Variants in GPKOW observed in about 807,000 individuals in gnomAD.
GPKOW encodes G-patch domain and KOW motifs.
For synonymous variants in GPKOW, 167 were observed against 159.1 expected (o/e 1.05, Z -0.37); for missense variants, 359 against 404.7 (o/e 0.89, Z 0.97).
intron 5 of GPKOW, 74 bp from the exon 6 acceptor site, chrX:49,117,236 C>A: frequency 9.4e-7 from 1 of 1,063,895 alleles, no homozygotes; most frequent in Non-Finnish European, 1.3e-6. Flanking sequence ...AGATGTCAAC[C>A]CCTTACCTCT....
chrX:49,114,913 ACT>A (rs1453280150), intron 9 of GPKOW, among the ~76,000 whole-genome samples: 22 of 60,251 alleles, frequency 3.7e-4, no homozygotes, highest in African/African-American at 1.7e-3. Flanking sequence ...TGACAGAGTG[ACT>A]CTGTTTCAAA....
rs1162000790 is a variant in GPKOW at position 49,117,695 on chromosome X, C to G, written c.682G>C (p.Glu228Gln). ...TGPSRMPRPD[E>Q]EQEKDKEDQP... ...TCTTCCTTATCTTTCTCTTGCTCCT[C>G]ATCTGGTCTTGGCATGCGGGAGGGG... Residue 228 changes from glutamate (E) to glutamine (Q), a missense_variant, in exon 5 of 11, where the codon GAG (glutamate) becomes CAG (glutamine). Glu to Gln is a conservative substitution (Grantham distance 29). Coordinates refer to ENST00000156109, the MANE Select transcript of GPKOW (RefSeq NM_015698.6). 3 of 1,207,949 alleles carry G rather than the reference C, an allele frequency of 2.5e-6. No individual in the cohort carries two copies. Among genetic ancestry groups the G allele is most frequent in the Non-Finnish European group, 3.4e-6 (3 of 893,353 alleles).
intron 9 of GPKOW, among the ~76,000 whole-genome samples, chrX:49,115,444 T>G (rs1225773995): frequency 1.0e-5 from 1 of 96,513 alleles, no homozygotes; most frequent in African/African-American, 3.9e-5. Context: ...GAAGTGGAGG[T>G]TGCAGTGAGC....
intron 5 of GPKOW, 23 bp downstream of exon 5, chrX:49,117,573 TC>T: frequency 8.9e-7 from 1 of 1,122,130 alleles, no homozygotes; most frequent in Non-Finnish European, 1.2e-6. Flanking sequence ...TGTTTTGGGC[TC>T]CCGGGATATC....
rs965327719 is a variant in GPKOW at position 49,115,464 on chromosome X, G to A, written c.1210+262C>T. Among the ~76,000 whole-genome samples, 44 of 91,193 alleles carry A rather than the reference G, an allele frequency of 4.8e-4. No homozygotes were observed. The East Asian group carries it at 7.3e-3, about 15-fold the overall frequency. 79.2% of individuals were successfully genotyped at this position (91,193 alleles called of 115,157 possible). ...GGAGGTTGCAGTGAGCTGAGATCAC[G>A]CCACTGCACTCCAGCCTGGGTGACA... On this transcript the variant is annotated intron_variant, in intron 9 of 10. Transcript: ENST00000156109.
Position 49,117,723 on chromosome X carries a change from A to G in GPKOW, c.654T>C (p.Thr218=), listed in dbSNP as rs1557090466. 5 of 1,207,654 alleles carry G rather than the reference A, an allele frequency of 4.1e-6. No homozygotes were observed. The highest frequency in any genetic ancestry group is 3.5e-5 in the South Asian group (2 of 56,749). ...NLTEAQALTP[T]GPSRMPRPDE... Reference sequence around the variant, plus strand: ...CTGGTCTTGGCATGCGGGAGGGGCCAGTGGGGGTCAAGGCCTGGGCCTCGG... The same window carrying G: ...CTGGTCTTGGCATGCGGGAGGGGCCGGTGGGGGTCAAGGCCTGGGCCTCGG... Residue 218 remains threonine, a synonymous_variant, in exon 5 of 11, where the codon ACT becomes ACC. Coordinates refer to ENST00000156109, the MANE Select transcript of GPKOW (RefSeq NM_015698.6).
intron 4 of GPKOW, 99 bp downstream of exon 4, chrX:49,119,606 C>T: frequency 2.1e-6 from 1 of 473,040 alleles, no homozygotes; most frequent in Non-Finnish European, 3.7e-6. Context: ...AATGTATCCT[C>T]CCTCCCTGCC....
In GPKOW at chrX:49,117,039, A is replaced by T. The variant is rs1557090360; in HGVS notation, c.904T>A (p.Leu302Met). 1.7e-6 allele frequency: 2 copies of T among 1,206,868 alleles called. No homozygotes were observed. Among genetic ancestry groups the T allele is most frequent in the Non-Finnish European group, 2.2e-6 (2 of 892,952 alleles). The change falls in exon 6 of 11, where the codon TTG becomes ATG. Residue 302 changes from leucine to methionine, a missense_variant. Coordinates refer to ENST00000156109, the MANE Select transcript of GPKOW (RefSeq NM_015698.6). Reference sequence around the variant, plus strand: ...CAAGAGGCTCACTCACTGAGATCCAAGGTGTTCTTGTCAAACTCCTGCTGG... The same window carrying T: ...CAAGAGGCTCACTCACTGAGATCCATGGTGTTCTTGTCAAACTCCTGCTGG... The part of the protein sequence containing the change: ...VSQQEFDKNT[L>M]DLRQQNGTAS...
rs1557089698 is a variant in GPKOW, at chrX:49,113,738, G to A, written c.1314C>T (p.Ser438=). The change falls in exon 11 of 11, where the codon AGC becomes AGT. Residue 438 remains serine (S), a synonymous_variant. Coordinates refer to ENST00000156109, the MANE Select transcript of GPKOW (RefSeq NM_015698.6). ...AAGCCCGGCTCCGTGCTCTGTCCCGGCTCAGCAAATGTCCCACCTGGAACA... is the reference window on the plus strand; with the variant it reads ...AAGCCCGGCTCCGTGCTCTGTCCCGACTCAGCAAATGTCCCACCTGGAACA... The part of the protein sequence containing the change: ...PQTGRVGHLL[S]RDRARSRALV... The A allele has an allele frequency of 7.5e-6, 9 of 1,207,012 alleles. No individual in the cohort carries two copies. The highest frequency in any genetic ancestry group is 2.3e-4 in the Middle Eastern group (1 of 4,350).
chrX:49,116,118 C>A, intron 7 of GPKOW, 103 bp downstream of exon 7: 1 of 1,129,450 alleles, frequency 8.9e-7, no homozygotes, highest in Non-Finnish European at 1.2e-6. Context: ...TGCAGTTCCC[C>A]GTTCCTTCTA....
rs2065221708 is a variant in GPKOW, at chrX:49,123,657, G to A, written c.66C>T (p.Gly22=). 3 of 1,208,749 alleles carry A rather than the reference G, an allele frequency of 2.5e-6. No homozygotes were observed. In the South Asian group the frequency reaches 5.3e-5, roughly 21 times the overall value. Residue 22 remains glycine (G), a synonymous_variant, in exon 1 of 11, where the codon GGC becomes GGT. Transcript: ENST00000156109. The part of the protein sequence containing the change: ...TAASTAPISF[G]FTRTSARRRL... ...GCCTCCGTGCGGACGTGCGAGTGAA[G>A]CCGAATGAAATTGGGGCAGTGGAAG... is the stretch of plus-strand genomic sequence containing the variant.
At position 49,116,260 on chromosome X, in the gene GPKOW, T is replaced by C; in HGVS notation, c.977A>G (p.Gln326Arg). Residue 326 changes from glutamine (Q) to arginine (R), a missense_variant, in exon 7 of 11, where the codon CAG becomes CGG. Transcript: ENST00000156109. Reference protein sequence around the residue: ...TLWNQELYIQQDNSERKRKHL... With the variant: ...TLWNQELYIQRDNSERKRKHL... ...TTTCCGCTTCCTCTCTGAGTTGTCC[T>C]GCTGGATGTAGAGTTCTTGATTCCA... The C allele has an allele frequency of 8.3e-7, 1 of 1,206,935 alleles. No individual in the cohort carries two copies. The highest frequency in any genetic ancestry group is 1.1e-6 in the Non-Finnish European group (1 of 891,121).
intron 1 of GPKOW, 78 bp downstream of exon 1, chrX:49,123,469 G>T: frequency 1.0e-6 from 1 of 996,913 alleles, no homozygotes; most frequent in South Asian, 2.3e-5. Context: ...CTGTCACCAA[G>T]ACAAACAACT....
chrX:49,123,603 C>A lies in GPKOW; in HGVS notation c.120G>T (p.Gly40=). 8.3e-7 allele frequency: 1 copy of A among 1,209,162 alleles called. No individual in the cohort carries two copies. Among genetic ancestry groups the A allele is most frequent in the South Asian group, 1.8e-5 (1 of 56,387 alleles). The change falls in exon 1 of 11, where the codon GGG becomes GGT. Residue 40 remains glycine (G), a synonymous_variant. Coordinates refer to ENST00000156109, the MANE Select transcript of GPKOW (RefSeq NM_015698.6). The stretch of plus-strand genomic sequence containing the variant: ...AGAAATCCTTCTCCTCCGGAGATGG[C>A]CCCGCGCCGTCTCCCGAGTCGGCCA... ...RRLADSGDGA[G]PSPEEKDFLK...
In GPKOW at chrX:49,117,640, G is replaced by A. The variant is rs1557090451; in HGVS notation, c.737C>T (p.Ala246Val). The A allele has an allele frequency of 8.3e-7, 1 of 1,210,066 alleles. No homozygotes were observed. ...GTGAGGGCCAGAAAGAACCACCACAGCTCCTCCAGGCACCAGCCCTTGAGG... is the reference window on the plus strand; with the variant it reads ...GTGAGGGCCAGAAAGAACCACCACAACTCCTCCAGGCACCAGCCCTTGAGG... ...DQPQGLVPGG[A>V]VVVLSGPHRG... Residue 246 changes from alanine to valine, a missense_variant, in exon 5 of 11, where the codon GCT becomes GTT. Coordinates refer to ENST00000156109, the MANE Select transcript of GPKOW (RefSeq NM_015698.6).
chrX:49,118,199 G>A (rs1557090581), intron 4 of GPKOW, among the ~76,000 whole-genome samples: 1 of 110,566 alleles, frequency 9.0e-6, no homozygotes, highest in Non-Finnish European at 1.9e-5. Flanking sequence ...GAGATTACAG[G>A]TGTGAGCCAC....
chrX:49,122,785 G>A lies in GPKOW; in HGVS notation c.177-9C>T. On this transcript the variant is annotated splice_polypyrimidine_tract_variant and intron_variant, in intron 1 of 10. Coordinates refer to ENST00000156109, the MANE Select transcript of GPKOW (RefSeq NM_015698.6). ...CCTCCTGGGGCTTCACACTGATGTG[G>A]ACACAGAGGGGTGGGGTTGGGAGAA... The A allele has an allele frequency of 8.3e-7, 1 of 1,201,213 alleles. No homozygotes were observed. Among genetic ancestry groups the A allele is most frequent in the Non-Finnish European group, 1.1e-6 (1 of 887,046 alleles).
In GPKOW at chrX:49,122,535, T is replaced by G; in HGVS notation, c.332-13A>C. On this transcript the variant is annotated splice_polypyrimidine_tract_variant and intron_variant, in intron 2 of 10. Coordinates refer to ENST00000156109, the MANE Select transcript of GPKOW (RefSeq NM_015698.6). ...GACTTCTTGGATTCTAAAGGAAGAATAGGAGGGAGCAATGAAGTCCCACTC... is the reference window on the plus strand; with the variant it reads ...GACTTCTTGGATTCTAAAGGAAGAAGAGGAGGGAGCAATGAAGTCCCACTC... 8.3e-7 allele frequency: 1 copy of G among 1,208,639 alleles called. No homozygotes were observed. The highest frequency in any genetic ancestry group is 1.1e-6 in the Non-Finnish European group (1 of 893,496).
chrX:49,114,290 C>T (rs1293914867), intron 9 of GPKOW, among the ~76,000 whole-genome samples: 1 of 110,356 alleles, frequency 9.1e-6, no homozygotes, highest in Non-Finnish European at 1.9e-5. Context: ...CAGGCACCCA[C>T]TACTGCGTTT....
Sources: gnomAD v4.1 joint callset for allele counts (sites outside exome capture counted in the v4.1 genomes callset) on GRCh38, gnomAD v4.1.1 for gene constraint, MANE v1.5 for transcripts, NCBI Gene and HGNC (gene_info 2026-07-23, HGNC 2026-07-21) for gene names.